DSE: variants seen among roughly 807,000 people sequenced by gnomAD.
DSE encodes the protein dermatan sulfate epimerase.
A neutral mutation model predicts 84.4 loss-of-function variants in DSE; 36 were observed. The observed-to-expected ratio is 0.43, with a 90% confidence interval of 0.33 to 0.56. The LOEUF is 0.56. Among genes scored for constraint, DSE ranks in the 20% least tolerant of loss-of-function variants. The pLI, the probability that DSE is intolerant of heterozygous loss-of-function variation, is 0.06. For missense variants in DSE, 862 were observed against 1,169.6 expected (o/e 0.74, Z 3.84); for synonymous variants, 410 against 430.1 (o/e 0.95, Z 0.58).
rs1374402620 is a variant in DSE, at chr6:116,442,139, A to G, written c.*4794A>G. On this transcript the variant is annotated 3_prime_UTR_variant, in exon 6 of 6. Transcript: ENST00000644252. The stretch of plus-strand genomic sequence containing the variant: ...CATCTAAGAGAGAGGAGCATTCCAG[A>G]TAGAACAGCAGTTCGAAGGCCCTGA... 1 of 152,256 alleles carries G rather than the reference A, an allele frequency of 6.6e-6. No individual in the cohort carries two copies. The highest frequency in any genetic ancestry group is 1.5e-5 in the Non-Finnish European group (1 of 68,098). The allele number at this position is 152,256 out of a possible 1,614,324, so 9.4% of individuals were successfully genotyped here. A position where few individuals can be genotyped will look rare whatever the true frequency, so the allele number is the denominator to read the frequency against.
chr6:116,257,929 G>A (rs1341602272), intron 1 of DSE, among the ~76,000 whole-genome samples: 3 of 152,272 alleles, frequency 2.0e-5, no homozygotes, highest in East Asian at 1.9e-4. Context: ...TTGAGGAAGT[G>A]CCCAATTACT....
intron 2 of DSE, 122 bp downstream of exon 2, chr6:116,399,788 T>C: frequency 1.1e-6 from 1 of 914,596 alleles, no homozygotes; most frequent in Non-Finnish European, 1.6e-6. Flanking sequence ...GGGGGAGGTG[T>C]TATTTGTTAT....
intron 1 of DSE, among the ~76,000 whole-genome samples, chr6:116,385,403 G>T (rs760204479): frequency 6.6e-6 from 1 of 152,150 alleles, no homozygotes; most frequent in Non-Finnish European, 1.5e-5. Flanking sequence ...GGAGGCTGTC[G>T]CAGGCAAGAC....
chr6:116,299,925 G>A (rs1774932509), intron 2 of DSE, among the ~76,000 whole-genome samples: 1 of 152,132 alleles, frequency 6.6e-6, no homozygotes, highest in African/African-American at 2.4e-5. Flanking sequence ...GTGACTGGCT[G>A]TGGGCAAGGA....
intron 2 of DSE, among the ~76,000 whole-genome samples, chr6:116,263,400 A>G (rs1204857): frequency 0.22 from 33,476 of 150,132 alleles, 3,849 homozygotes; most frequent in East Asian, 0.29. Flanking sequence ...TTTAAAGCCT[A>G]TTTTGTCAGA....
rs1291154394 is a variant in DSE at position 116,430,935 on chromosome 6, A to T, written c.671-19A>T. 6.2e-7 allele frequency: 1 copy of T among 1,611,204 alleles called. No individual in the cohort carries two copies. The highest frequency in any genetic ancestry group is 2.2e-5 in the East Asian group (1 of 44,842). ...GTCACAGGCTTTAGTCATTGCTTCC[A>T]TGTGTTTTCATCCTTCAGGATATCT... is the stretch of plus-strand genomic sequence containing the variant. On this transcript the variant is annotated intron_variant, in intron 3 of 5. Coordinates refer to ENST00000644252, the MANE Select transcript of DSE (RefSeq NM_013352.4).
At chr6:116,295,427 C>A (rs1269198360) in intron 2 of DSE, among the ~76,000 whole-genome samples, 1 of 152,080 alleles carries the variant, frequency 6.6e-6, no homozygotes, top group Non-Finnish European at 1.5e-5. Context: ...TTTAAAATTT[C>A]CTATTTAAAA....
At chr6:116,331,512 G>T (rs1776932022) in intron 2 of DSE, among the ~76,000 whole-genome samples, 1 of 152,132 alleles carries the variant, frequency 6.6e-6, no homozygotes, top group Non-Finnish European at 1.5e-5. Flanking sequence ...CTCCCACGAG[G>T]TAACCCCCCA....
intron 2 of DSE, among the ~76,000 whole-genome samples, chr6:116,348,333 AAG>A (rs1778112262): frequency 6.6e-6 from 1 of 152,102 alleles, no homozygotes; most frequent in Non-Finnish European, 1.5e-5. Context: ...AGGCTGAGGA[AAG>A]AGAATGGCGT....
intron 2 of DSE, among the ~76,000 whole-genome samples, chr6:116,266,961 T>A (rs1462783860): frequency 1.3e-5 from 2 of 152,226 alleles, no homozygotes; most frequent in South Asian, 2.1e-4. Flanking sequence ...GAAAATTTCC[T>A]ATGGCTTAGT....
At chr6:116,348,232 C>G (rs1336831465) in intron 2 of DSE, among the ~76,000 whole-genome samples, 1 of 152,086 alleles carries the variant, frequency 6.6e-6, no homozygotes, top group Non-Finnish European at 1.5e-5. Flanking sequence ...TCAAGACCAT[C>G]CTGGCTAACA....
intron 2 of DSE, among the ~76,000 whole-genome samples, chr6:116,416,006 C>G (rs1782681613): frequency 6.6e-6 from 1 of 152,194 alleles, no homozygotes; most frequent in African/African-American, 2.4e-5. Context: ...TCTGGAAGCT[C>G]TAGGGCAGAA....
rs140975523 is a variant in DSE at position 116,436,588 on chromosome 6, C to G, written c.2120C>G (p.Ser707Cys). Residue 707 changes from serine (S) to cysteine (C), a missense_variant, in exon 6 of 6, where the codon TCT becomes TGT. Transcript: ENST00000644252. ...TGGACAGGTGAGGCCACAGGACAGT[C>G]TGCCTTTGCACAGGTCATTGCTGAT... The part of the protein sequence containing the change: ...YLWTGEATGQ[S>C]AFAQVIADRH... 416 of 1,614,182 alleles carry G rather than the reference C, an allele frequency of 2.6e-4. 3 individuals are homozygous for G. In the African/African-American group the frequency reaches 5.2e-3, roughly 20 times the overall value.
Position 116,278,567 on chromosome 6 carries a change from G to A in DSE, c.-54+19600G>A, listed in dbSNP as rs372404547. 1.9e-6 allele frequency: 3 copies of A among 1,614,190 alleles called. No individual in the cohort carries two copies. Among genetic ancestry groups the A allele is most frequent in the Middle Eastern group, 1.7e-4 (1 of 6,058 alleles). ...CTGGGGATCTCTACAGGCTCCCTTA[G>A]CGGGCGACGTCGGGCTCTACGGACT... On this transcript the variant is annotated intron_variant, in intron 2 of 3. Coordinates refer to the DSE transcript ENST00000430252.
In DSE at chr6:116,436,205, C is replaced by T. The variant is rs765462761; in HGVS notation, c.1737C>T (p.Pro579=). 7.6e-5 allele frequency: 122 copies of T among 1,613,852 alleles called. No individual in the cohort carries two copies. Among genetic ancestry groups the T allele is most frequent in the Admixed American group, 1.2e-4 (7 of 59,982 alleles). ...AAATACACCTGGGAGAGGAGAGTCC[C>T]TTGGAGACAGCAGCGAGCTTCTTCC... ...VDQIHLGEES[P]LETAASFFHN... Residue 579 remains proline (P), a synonymous_variant, in exon 6 of 6, where the codon CCC becomes CCT. Transcript: ENST00000644252.
chr6:116,380,317 C>A (rs1562267575), intron 1 of DSE, among the ~76,000 whole-genome samples: 1 of 151,766 alleles, frequency 6.6e-6, no homozygotes, highest in Non-Finnish European at 1.5e-5. Context: ...TAGTTTCCAG[C>A]CTTGAGGAGC....
Position 116,435,897 on chromosome 6 carries a change from T to C in DSE, c.1429T>C (p.Tyr477His). ...FITEALYGPK[Y>H]TFFNNVLMFS... ...TACTGAGGCTCTGTACGGGCCAAAGTACACCTTCTTCAACAATGTTTTGAT... is the reference window on the plus strand; with the variant it reads ...TACTGAGGCTCTGTACGGGCCAAAGCACACCTTCTTCAACAATGTTTTGAT... The change falls in exon 6 of 6, where the codon TAC (tyrosine) becomes CAC (histidine). Residue 477 changes from tyrosine (Y) to histidine (H), a missense_variant. Transcript: ENST00000644252. 2 of 1,614,164 alleles carry C rather than the reference T, an allele frequency of 1.2e-6. No individual in the cohort carries two copies. The highest frequency in any genetic ancestry group is 1.7e-6 in the Non-Finnish European group (2 of 1,180,016).
rs143295094 is a variant in DSE, at chr6:116,259,301, A to G, written c.-54+334A>G. 135 of 525,996 alleles carry G rather than the reference A, an allele frequency of 2.6e-4. No individual in the cohort carries two copies. The East Asian group carries it at 4.5e-3, about 17-fold the overall frequency. The allele number at this position is 525,996 out of a possible 1,614,324, so 32.6% of individuals were successfully genotyped here. On this transcript the variant is annotated intron_variant, in intron 2 of 3. Coordinates refer to the DSE transcript ENST00000430252. ...ACTTTACAGCATGATAAATTAGTTAAATGGTTATACCTGTAGACTTACCAG... is the reference window on the plus strand; with the variant it reads ...ACTTTACAGCATGATAAATTAGTTAGATGGTTATACCTGTAGACTTACCAG...
chr6:116,282,397 A>G (rs997984177), intron 2 of DSE, among the ~76,000 whole-genome samples: 2 of 152,064 alleles, frequency 1.3e-5, no homozygotes, highest in East Asian at 1.9e-4. Context: ...GCTTGGACCA[A>G]TCTTAGAATA....
Sources: allele counts gnomAD v4.1 joint callset (sites outside exome capture counted in the v4.1 genomes callset), GRCh38; gene constraint gnomAD v4.1.1; transcripts MANE v1.5; gene names NCBI Gene and HGNC (gene_info 2026-07-23, HGNC 2026-07-21).